JAM3: variants seen among roughly 807,000 people sequenced by gnomAD.
JAM3 encodes junctional adhesion molecule C.
A neutral mutation model predicts 39.4 loss-of-function variants in JAM3; 31 were observed. The observed-to-expected ratio is 0.79, with a 90% confidence interval of 0.59 to 1.06. JAM3 has a LOEUF of 1.06. Ranked by LOEUF, JAM3 falls within the 50% of genes least tolerant of loss-of-function variation. JAM3 has a pLI of 0.00. For synonymous variants in JAM3, 182 were observed against 148.7 expected (o/e 1.22, Z -1.63); for missense variants, 455 against 391.4 (o/e 1.16, Z -1.37).
chr11:134,087,694 GT>G (rs1281306218), intron 1 of JAM3, among the ~76,000 whole-genome samples: 12 of 152,242 alleles, frequency 7.9e-5, no homozygotes, highest in African/African-American at 2.9e-4. Flanking sequence ...GGGGACCCAG[GT>G]TTTGCCATGG....
At chr11:134,142,760 C>T (rs928411933) in intron 3 of JAM3, among the ~76,000 whole-genome samples, 2 of 152,050 alleles carry the variant, frequency 1.3e-5, no homozygotes, top group East Asian at 3.9e-4. Flanking sequence ...AGCCCGTACC[C>T]AGCAGTAGTC....
chr11:134,109,854 G>GA (rs968737871), intron 1 of JAM3, among the ~76,000 whole-genome samples: 14 of 152,316 alleles, frequency 9.2e-5, no homozygotes, highest in African/African-American at 3.1e-4. Flanking sequence ...GGGAGATACT[G>GA]AACCTTTTCT....
At chr11:134,082,253 G>A (rs911620226) in intron 1 of JAM3, among the ~76,000 whole-genome samples, 1 of 152,242 alleles carries the variant, frequency 6.6e-6, no homozygotes, top group Non-Finnish European at 1.5e-5. Context: ...TAGGCAGAAG[G>A]GACTTGCTTT....
chr11:134,105,278 A>T (rs924856408), intron 1 of JAM3, among the ~76,000 whole-genome samples: 5 of 152,230 alleles, frequency 3.3e-5, no homozygotes, highest in Non-Finnish European at 7.3e-5. Context: ...ATAGATGCAG[A>T]AAAGGCCTTT....
chr11:134,128,286 A>T lies in JAM3; in HGVS notation c.77-11565A>T, dbSNP rs141357534. On this transcript the variant is annotated intron_variant, in intron 1 of 8. Coordinates refer to ENST00000299106, the MANE Select transcript of JAM3 (RefSeq NM_032801.5). ...GCAGAGACAGCCCTCCTGGGAGTGG[A>T]CCCCAGAGTCTGTATCATCAGAACT... Among the ~76,000 whole-genome samples the T allele has an allele frequency of 9.8e-4, 149 of 152,228 alleles. 1 individual carries two copies. Among genetic ancestry groups the T allele is most frequent in the Non-Finnish European group, 1.7e-3 (114 of 68,024 alleles).
intron 1 of JAM3, among the ~76,000 whole-genome samples, chr11:134,098,956 T>A (rs1179751385): frequency 6.6e-6 from 1 of 152,108 alleles, no homozygotes; most frequent in Non-Finnish European, 1.5e-5. Context: ...TCCCAGCACC[T>A]TGGGAGGCCA....
chr11:134,092,838 C>T (rs1374380682), intron 1 of JAM3, among the ~76,000 whole-genome samples: 3 of 132,456 alleles, frequency 2.3e-5, no homozygotes, highest in African/African-American at 8.7e-5. Context: ...CCTGAGCCCT[C>T]CTTATTCATC....
chr11:134,133,352 G>A (rs1942803838), intron 1 of JAM3, among the ~76,000 whole-genome samples: 2 of 152,136 alleles, frequency 1.3e-5, no homozygotes, highest in Admixed American at 1.3e-4. Context: ...GGTGAAAGTG[G>A]GCATCGTTGT....
At chr11:134,096,759 A>T (rs1311740866) in intron 1 of JAM3, among the ~76,000 whole-genome samples, 2 of 152,180 alleles carry the variant, frequency 1.3e-5, no homozygotes, top group East Asian at 1.9e-4. Context: ...TGCTCAGTTA[A>T]TGAGTAATGA....
chr11:134,112,238 C>T (rs1942327251), intron 1 of JAM3, among the ~76,000 whole-genome samples: 1 of 152,078 alleles, frequency 6.6e-6, no homozygotes, highest in Admixed American at 6.5e-5. Flanking sequence ...AGGGATGCAC[C>T]ACCACGCCCA....
chr11:134,147,477 A>C (rs1462492678), intron 6 of JAM3, among the ~76,000 whole-genome samples: 1 of 144,570 alleles, frequency 6.9e-6, no homozygotes, highest in Non-Finnish European at 1.5e-5. Context: ...AAAAAAAAAA[A>C]ACGATTGCAA....
intron 1 of JAM3, among the ~76,000 whole-genome samples, chr11:134,085,741 A>C (rs1470125665): frequency 6.6e-6 from 1 of 152,184 alleles, no homozygotes; most frequent in Non-Finnish European, 1.5e-5. Context: ...GAGGACGGGA[A>C]GCTTGTCTTC....
intron 3 of JAM3, among the ~76,000 whole-genome samples, chr11:134,143,803 T>TG (rs1461340163): frequency 6.6e-6 from 1 of 152,264 alleles, no homozygotes; most frequent in East Asian, 1.9e-4. Flanking sequence ...TTTATAGTTT[T>TG]AACTCCTATG....
chr11:134,139,750 G>A (rs1192351805), intron 1 of JAM3, 101 bp from the exon 2 acceptor site: 4 of 886,654 alleles, frequency 4.5e-6, no homozygotes, highest in Non-Finnish European at 5.8e-6. Context: ...TCTGTGGTTA[G>A]TAACCATAGC....
chr11:134,140,621 A>C (rs769439388), intron 2 of JAM3, 36 bp from the exon 3 acceptor site: 3 of 1,539,454 alleles, frequency 1.9e-6, no homozygotes, highest in South Asian at 2.2e-5. Flanking sequence ...AGCACTCCAC[A>C]TTCACCGAGA....
chr11:134,096,259 C>A (rs1228559653), intron 1 of JAM3, among the ~76,000 whole-genome samples: 1 of 152,194 alleles, frequency 6.6e-6, no homozygotes, highest in African/African-American at 2.4e-5. Context: ...TGAGCCACCA[C>A]ACCCAGCCCG....
intron 1 of JAM3, 94 bp downstream of exon 1, chr11:134,069,253 T>C (rs1235025074): frequency 4.7e-6 from 7 of 1,504,550 alleles, no homozygotes; most frequent in Non-Finnish European, 6.3e-6. Flanking sequence ...CGGGCGAGGA[T>C]AGCGGTCCTG....
intron 1 of JAM3, among the ~76,000 whole-genome samples, chr11:134,114,835 G>T (rs1565493723): frequency 1.3e-5 from 2 of 152,256 alleles, no homozygotes; most frequent in East Asian, 1.9e-4. Context: ...TTTGGGTTAG[G>T]TGTTCTATAA....
intron 1 of JAM3, among the ~76,000 whole-genome samples, chr11:134,094,668 G>A (rs1034844047): frequency 8.6e-5 from 6 of 69,854 alleles, no homozygotes; most frequent in Non-Finnish European, 1.6e-4. Flanking sequence ...CACTTCCTGA[G>A]GGAAGCATCT....
Sources: gnomAD v4.1 joint callset for allele counts (sites outside exome capture counted in the v4.1 genomes callset) on GRCh38, gnomAD v4.1.1 for gene constraint, MANE v1.5 for transcripts, NCBI Gene and HGNC (gene_info 2026-07-23, HGNC 2026-07-21) for gene names.